CDH1: variants seen among roughly 807,000 people sequenced by gnomAD.
CDH1 encodes cadherin-1.
In CDH1, 35 loss-of-function variants were observed where a neutral mutation model predicts 84.5. The ratio of observed to expected loss-of-function variants is 0.41; its 90% CI spans 0.32 to 0.55. The LOEUF (loss-of-function observed/expected upper bound fraction) is 0.55. CDH1 is among the 20% of genes least tolerant of loss of function. The pLI is 0.19. For missense variants in CDH1, 994 were observed against 1,126.6 expected, an observed-to-expected ratio of 0.88 and a Z score of 1.68; for synonymous variants, 417 against 439.0, an observed-to-expected ratio of 0.95 and a Z score of 0.63.
chr16:68,775,135 A>G (rs1056782895), intron 2 of CDH1, among the ~76,000 whole-genome samples: 11 of 151,878 alleles, frequency 7.2e-5, no homozygotes, highest in Admixed American at 7.2e-4. Flanking sequence ...CAAAAAAAAA[A>G]AAAAAAGAAA....
chr16:68,788,916 A>C (rs1960139107), intron 2 of CDH1, among the ~76,000 whole-genome samples: 1 of 152,012 alleles, frequency 6.6e-6, no homozygotes, highest in Non-Finnish European at 1.5e-5. Context: ...GAGGCAGGAG[A>C]GTCACTTGAA....
chr16:68,750,970 G>T (rs753487224), intron 2 of CDH1, among the ~76,000 whole-genome samples: 1 of 152,086 alleles, frequency 6.6e-6, no homozygotes, highest in Non-Finnish European at 1.5e-5. Context: ...CTCCCAAAGT[G>T]CTGGATTTAC....
At chr16:68,831,924 A>G (rs2152143286) in intron 15 of CDH1, among the ~76,000 whole-genome samples, 1 of 152,236 alleles carries the variant, frequency 6.6e-6, no homozygotes, top group South Asian at 2.1e-4. Flanking sequence ...TGCAGTTTTT[A>G]TTTAAACTAT....
At chr16:68,817,539 A>G (rs889721720) in intron 10 of CDH1, among the ~76,000 whole-genome samples, 2 of 152,166 alleles carry the variant, frequency 1.3e-5, no homozygotes, top group Non-Finnish European at 2.9e-5. Flanking sequence ...GCTGTGAAGA[A>G]ATCTGGTGGC....
chr16:68,800,339 T>C (rs2152126003), intron 2 of CDH1, among the ~76,000 whole-genome samples: 1 of 152,254 alleles, frequency 6.6e-6, no homozygotes, highest in South Asian at 2.1e-4. Context: ...TGAGCCTCAG[T>C]TTCATCTTCA....
At chr16:68,794,099 C>T (rs530843385) in intron 2 of CDH1, among the ~76,000 whole-genome samples, 2 of 152,240 alleles carry the variant, frequency 1.3e-5, no homozygotes, top group South Asian at 4.2e-4. Flanking sequence ...GTGGTGCCAT[C>T]ACAGCTCACC....
At chr16:68,804,416 T>C (rs1386979924) in intron 3 of CDH1, among the ~76,000 whole-genome samples, 2 of 152,074 alleles carry the variant, frequency 1.3e-5, no homozygotes, top group East Asian at 3.9e-4. Context: ...CCCGGCCCTA[T>C]CTGCCTTTTA....
At chr16:68,755,413 T>A (rs1401305689) in intron 2 of CDH1, among the ~76,000 whole-genome samples, 1 of 152,078 alleles carries the variant, frequency 6.6e-6, no homozygotes, top group East Asian at 1.9e-4. Flanking sequence ...AATTTTTAAA[T>A]TTTTTGTTAA....
At chr16:68,739,317 T>C (rs1003134923) in intron 2 of CDH1, among the ~76,000 whole-genome samples, 2 of 152,018 alleles carry the variant, frequency 1.3e-5, no homozygotes, top group Non-Finnish European at 2.9e-5. Context: ...CTCAGGAGGC[T>C]GAGGCAGGAG....
chr16:68,763,623 C>T (rs1039619567), intron 2 of CDH1: 3 of 152,200 alleles, frequency 2.0e-5, no homozygotes, highest in Admixed American at 1.3e-4. Context: ...GGAGGGGTCT[C>T]CTTCCCTCGG....
intron 2 of CDH1, among the ~76,000 whole-genome samples, chr16:68,754,147 G>A (rs1028331264): frequency 2.0e-5 from 3 of 151,192 alleles, no homozygotes; most frequent in Admixed American, 6.6e-5. Flanking sequence ...ATTCGGCAGG[G>A]CACAGTGGCT....
chr16:68,774,781 A>G (rs1409860271), intron 2 of CDH1, among the ~76,000 whole-genome samples: 1 of 152,098 alleles, frequency 6.6e-6, no homozygotes, highest in Non-Finnish European at 1.5e-5. Flanking sequence ...CTACTCACCA[A>G]CTGATGGGAC....
chr16:68,800,019 A>T (rs191353994), intron 2 of CDH1, among the ~76,000 whole-genome samples: 46 of 148,154 alleles, frequency 3.1e-4, no homozygotes, highest in African/African-American at 1.1e-3. Context: ...AAAAAAATTA[A>T]TAGTAATAAT....
intron 15 of CDH1, 126 bp downstream of exon 15, chr16:68,829,923 G>A (rs1386347609): frequency 3.2e-6 from 3 of 943,370 alleles, no homozygotes; most frequent in Non-Finnish European, 4.8e-6. Context: ...CCTGAGCCCT[G>A]GAGCCCTGTT....
At chr16:68,791,809 C>G (rs914144420) in intron 2 of CDH1, among the ~76,000 whole-genome samples, 2 of 152,194 alleles carry the variant, frequency 1.3e-5, no homozygotes. Flanking sequence ...CTGTATTTCT[C>G]AGGCCTTAGG....
intron 2 of CDH1, chr16:68,742,575 G>A (rs1328140042): frequency 6.5e-6 from 1 of 152,684 alleles, no homozygotes; most frequent in African/African-American, 2.4e-5. Context: ...ATGGGAGACA[G>A]GGTTTCACCA....
chr16:68,799,254 T>C (rs73560992), intron 2 of CDH1, among the ~76,000 whole-genome samples: 4,767 of 152,282 alleles, frequency 0.031, 236 homozygotes, highest in African/African-American at 0.11. Context: ...CCCCATCCTT[T>C]CCTTCAAGTT....
chr16:68,740,674 T>G (rs1258639379), intron 2 of CDH1, among the ~76,000 whole-genome samples: 1 of 152,192 alleles, frequency 6.6e-6, no homozygotes, highest in Non-Finnish European at 1.5e-5. Flanking sequence ...TCTAAGCTCC[T>G]GTGTTTGACC....
intron 6 of CDH1, among the ~76,000 whole-genome samples, 188 bp from the exon 7 acceptor site, chr16:68,811,496 T>C (rs1480219760): frequency 1.3e-5 from 2 of 151,842 alleles, no homozygotes; most frequent in Non-Finnish European, 2.9e-5. Flanking sequence ...ACCTGGATAA[T>C]AAGTTGATAG....
Sources: allele counts gnomAD v4.1 joint callset (sites outside exome capture counted in the v4.1 genomes callset), GRCh38; gene constraint gnomAD v4.1.1; transcripts MANE v1.5; gene names NCBI Gene and HGNC (gene_info 2026-07-23, HGNC 2026-07-21).